Variants in PSTPIP2 observed in about 807,000 individuals in gnomAD.
PSTPIP2 encodes proline-serine-threonine phosphatase interacting protein 2.
In PSTPIP2, 33 loss-of-function variants were observed where a neutral mutation model predicts 63.3. The ratio of observed to expected loss-of-function variants is 0.52; its 90% CI spans 0.40 to 0.70. The LOEUF (loss-of-function observed/expected upper bound fraction) is 0.70, where lower values mean the gene tolerates loss of function less well. PSTPIP2 is among the 30% of genes least tolerant of loss of function. PSTPIP2 has a pLI of 0.00. For synonymous variants in PSTPIP2, 125 were observed against 132.7 expected (o/e 0.94, Z 0.40); for missense variants, 312 against 400.7 (o/e 0.78, Z 1.89).
At chr18:46,069,488 T>C (rs2144141537) in intron 1 of PSTPIP2, among the ~76,000 whole-genome samples, 1 of 152,306 alleles carries the variant, frequency 6.6e-6, no homozygotes, top group African/African-American at 2.4e-5. Context: ...GTTTTATTCA[T>C]TTATTTTAAA....
intron 2 of PSTPIP2, among the ~76,000 whole-genome samples, chr18:46,034,400 G>T (rs1198926280): frequency 2.6e-5 from 4 of 152,118 alleles, no homozygotes; most frequent in Non-Finnish European, 5.9e-5. Context: ...AGACCATTAA[G>T]TAAAGTGGAA....
chr18:46,016,193 A>G (rs1938194907), intron 3 of PSTPIP2: 3 of 470,716 alleles, frequency 6.4e-6, no homozygotes, highest in South Asian at 2.7e-5. Flanking sequence ...ATTTTCTCCA[A>G]TGATAGGATA....
intron 2 of PSTPIP2, among the ~76,000 whole-genome samples, chr18:46,025,873 G>C (rs1222878546): frequency 6.6e-6 from 1 of 152,160 alleles, no homozygotes; most frequent in East Asian, 1.9e-4. Context: ...TCCTGCCTCA[G>C]CCTCCCATGC....
intron 3 of PSTPIP2, among the ~76,000 whole-genome samples, chr18:46,023,656 A>T (rs904168498): frequency 2.0e-5 from 3 of 152,024 alleles, no homozygotes; most frequent in African/African-American, 7.2e-5. Context: ...ACAATTTTAG[A>T]TATATAATTT....
chr18:46,019,342 A>C lies in PSTPIP2; in HGVS notation c.213-3405T>G, dbSNP rs907781976. On this transcript the variant is annotated intron_variant, in intron 3 of 14. Coordinates refer to ENST00000409746, the MANE Select transcript of PSTPIP2 (RefSeq NM_024430.4). ...TCAGCTACCTTACTTTTCCCACTCT[A>C]TTTATCTCAAAACAAAGGTTCTTAT... Among the ~76,000 whole-genome samples the C allele has an allele frequency of 1.4e-4, 21 of 152,056 alleles. No individual in the cohort carries two copies. The East Asian group carries it at 2.7e-3, about 20-fold the overall frequency.
intron 1 of PSTPIP2, among the ~76,000 whole-genome samples, chr18:46,061,892 G>A (rs1010460554): frequency 6.6e-6 from 1 of 152,164 alleles, no homozygotes; most frequent in Non-Finnish European, 1.5e-5. Flanking sequence ...AAGCAGTGAA[G>A]GGACTTAGAT....
At chr18:46,008,040 G>T (rs1025194367) in intron 5 of PSTPIP2, among the ~76,000 whole-genome samples, 2 of 152,254 alleles carry the variant, frequency 1.3e-5, no homozygotes, top group Non-Finnish European at 2.9e-5. Context: ...TGAGCCAAAG[G>T]TGCCCTTTCA....
intron 1 of PSTPIP2, 28 bp from the exon 2 acceptor site, chr18:46,040,075 C>T: frequency 6.5e-7 from 1 of 1,534,278 alleles, no homozygotes; most frequent in Non-Finnish European, 8.9e-7. Flanking sequence ...TGGCATCAGA[C>T]CAGGAACAGA....
At chr18:46,035,539 G>A (rs1470787025) in intron 2 of PSTPIP2, among the ~76,000 whole-genome samples, 1 of 152,054 alleles carries the variant, frequency 6.6e-6, no homozygotes, top group Non-Finnish European at 1.5e-5. Context: ...CTTTCTAGGT[G>A]GGGAAATACT....
In PSTPIP2 at chr18:45,997,743, G is replaced by A. The variant is rs778484853; in HGVS notation, c.642+6C>T. 1.1e-5 allele frequency: 16 copies of A among 1,489,870 alleles called. No homozygotes were observed. Among genetic ancestry groups the A allele is most frequent in the Middle Eastern group, 1.9e-4 (1 of 5,210 alleles). 92.3% of individuals were successfully genotyped at this position (1,489,870 alleles called of 1,614,324 possible). On this transcript the variant is annotated splice_donor_region_variant and intron_variant, in intron 9 of 14. Transcript: ENST00000409746. ...CCAGTCCTGAGCAGCTTCCGGTTACGGGTACCTCGCAGGCCTTGATGTGCT... is the reference window on the plus strand; with the variant it reads ...CCAGTCCTGAGCAGCTTCCGGTTACAGGTACCTCGCAGGCCTTGATGTGCT...
rs182921288 is a variant in PSTPIP2, at chr18:45,992,047, A to G, written c.838+59T>C. On this transcript the variant is annotated intron_variant, in intron 11 of 14. Transcript: ENST00000409746. The stretch of plus-strand genomic sequence containing the variant: ...GCGTCTTTCATCCTTAATGACATCT[A>G]ACAAGAAAGGCTAATAGAATTGTGT... 9,434 of 1,594,700 alleles carry G rather than the reference A, an allele frequency of 5.9e-3. 44 individuals carry two copies. The highest frequency in any genetic ancestry group is 6.9e-3 in the South Asian group (620 of 90,428).
intron 3 of PSTPIP2, among the ~76,000 whole-genome samples, chr18:46,021,255 A>G (rs1198725047): frequency 6.6e-6 from 1 of 152,192 alleles, no homozygotes; most frequent in Non-Finnish European, 1.5e-5. Context: ...AAATAAACGT[A>G]ACTATAAGTA....
Position 45,985,440 on chromosome 18 carries a change from AG to A in PSTPIP2, c.*18del, listed in dbSNP as rs1160013217. 1 of 1,613,298 alleles carries A rather than the reference AG, an allele frequency of 6.2e-7. No homozygotes were observed. Among genetic ancestry groups the A allele is most frequent in the Non-Finnish European group, 8.5e-7 (1 of 1,179,806 alleles). On this transcript the variant is annotated 3_prime_UTR_variant, in exon 15 of 15. Coordinates refer to ENST00000409746, the MANE Select transcript of PSTPIP2 (RefSeq NM_024430.4). Reference sequence around the variant, plus strand: ...TATCACAGAAGCACTAGCCGGAAAAAGCTCTGGTTTCTGAAAGAAAATAACA... The same window carrying A: ...TATCACAGAAGCACTAGCCGGAAAAACTCTGGTTTCTGAAAGAAAATAACA...
chr18:46,070,290 G>A (rs1038112040), intron 1 of PSTPIP2, among the ~76,000 whole-genome samples: 8 of 152,188 alleles, frequency 5.3e-5, no homozygotes, highest in African/African-American at 1.9e-4. Flanking sequence ...TGACATGTTT[G>A]TACTGGCTGT....
At chr18:46,012,003 T>C (rs1357804941) in intron 4 of PSTPIP2, among the ~76,000 whole-genome samples, 2 of 152,196 alleles carry the variant, frequency 1.3e-5, no homozygotes, top group African/African-American at 4.8e-5. Flanking sequence ...ATTTGCAATT[T>C]ATATAACAAA....
chr18:46,070,933 C>T (rs1247066193), intron 1 of PSTPIP2, among the ~76,000 whole-genome samples: 1 of 152,144 alleles, frequency 6.6e-6, no homozygotes, highest in East Asian at 1.9e-4. Flanking sequence ...TTGTATTATA[C>T]AGAGCCTTTT....
At chr18:46,048,632 G>A (rs899725628) in intron 1 of PSTPIP2, among the ~76,000 whole-genome samples, 3 of 151,992 alleles carry the variant, frequency 2.0e-5, no homozygotes, top group Non-Finnish European at 4.4e-5. Context: ...CTCAAATCAG[G>A]GCACATTCTA....
chr18:46,046,612 C>A (rs1466079415), intron 1 of PSTPIP2, among the ~76,000 whole-genome samples: 1 of 152,164 alleles, frequency 6.6e-6, no homozygotes, highest in Non-Finnish European at 1.5e-5. Flanking sequence ...GCTAAAAGAA[C>A]CATCATGGTT....
chr18:46,062,019 A>C (rs1313209791), intron 1 of PSTPIP2, among the ~76,000 whole-genome samples: 1 of 152,212 alleles, frequency 6.6e-6, no homozygotes, highest in Non-Finnish European at 1.5e-5. Context: ...CTATAGGGCA[A>C]GTGTAAAGAG....
Sources: allele counts gnomAD v4.1 joint callset (sites outside exome capture counted in the v4.1 genomes callset), GRCh38; gene constraint gnomAD v4.1.1; transcripts MANE v1.5; gene names NCBI Gene and HGNC (gene_info 2026-07-23, HGNC 2026-07-21).